The following UST variants were observed in gnomAD, a reference collection of about 807,000 sequenced individuals.
UST encodes the protein uronyl 2-sulfotransferase.
A neutral mutation model predicts 45.6 loss-of-function variants in UST; 21 were observed. That is an observed-to-expected ratio of 0.46 (90% confidence interval 0.33 to 0.66). The LOEUF is 0.66. Among genes scored for constraint, UST ranks in the 30% least tolerant of loss-of-function variants. The probability of loss-of-function intolerance (pLI) is 0.02; values close to 1 mark genes in which losing one functional copy is unlikely to be tolerated. For missense variants in UST, 463 were observed against 512.4 expected (o/e 0.90, Z 0.93); for synonymous variants, 215 against 200.6 (o/e 1.07, Z -0.61).
At chr6:148,980,628 C>G (rs948240163) in intron 5 of UST, among the ~76,000 whole-genome samples, 2 of 152,220 alleles carry the variant, frequency 1.3e-5, no homozygotes, top group African/African-American at 4.8e-5. Context: ...GCTAATCCAA[C>G]CAAGCTTCTG....
chr6:148,827,837 A>G (rs1777603682), intron 1 of UST, among the ~76,000 whole-genome samples: 1 of 152,080 alleles, frequency 6.6e-6, no homozygotes, highest in East Asian at 1.9e-4. Flanking sequence ...TATGCGGTTT[A>G]CTAAAACAGA....
Position 148,886,866 on chromosome 6 carries a change from T to G in UST, c.248-120T>G, listed in dbSNP as rs527610933. On this transcript the variant is annotated intron_variant, in intron 1 of 7. Coordinates refer to ENST00000367463, the MANE Select transcript of UST (RefSeq NM_005715.3). ...CCAGTGATTAATTCCCCATTTTTCT[T>G]TGGTACTGTTGTCTGAGCAGAAATA... 68 of 815,818 alleles carry G rather than the reference T, an allele frequency of 8.3e-5. No individual in the cohort carries two copies. In the South Asian group the frequency reaches 1.0e-3, roughly 12 times the overall value. 50.5% of individuals were successfully genotyped at this position (815,818 alleles called of 1,614,324 possible). A position where few individuals can be genotyped will look rare whatever the true frequency, so the allele number is the denominator to read the frequency against.
At chr6:149,030,356 T>A (rs1467795017) in intron 7 of UST, among the ~76,000 whole-genome samples, 1 of 152,024 alleles carries the variant, frequency 6.6e-6, no homozygotes, top group African/African-American at 2.4e-5. Context: ...AAAAATAAAA[T>A]CTAGGCTGGG....
chr6:148,760,568 A>T (rs1776195443), intron 1 of UST, among the ~76,000 whole-genome samples: 1 of 152,174 alleles, frequency 6.6e-6, no homozygotes, highest in Admixed American at 6.5e-5. Flanking sequence ...TACACACATA[A>T]ATCTTGTCCA....
intron 2 of UST, among the ~76,000 whole-genome samples, chr6:148,900,494 T>C (rs1779229087): frequency 6.6e-6 from 1 of 152,212 alleles, no homozygotes; most frequent in African/African-American, 2.4e-5. Flanking sequence ...CTGCACAAAC[T>C]CTCTTCTCTT....
intron 5 of UST, among the ~76,000 whole-genome samples, chr6:149,003,456 AC>A (rs1322713765): frequency 4.0e-5 from 6 of 151,688 alleles, no homozygotes; most frequent in South Asian, 2.1e-4. Context: ...AAAAAAAAAA[AC>A]ATTAAGGCAC....
chr6:148,869,738 T>A (rs1361291463), intron 1 of UST, among the ~76,000 whole-genome samples: 1 of 152,164 alleles, frequency 6.6e-6, no homozygotes, highest in African/African-American at 2.4e-5. Flanking sequence ...GCAGTTTATT[T>A]GAAACATCCG....
intron 1 of UST, among the ~76,000 whole-genome samples, chr6:148,791,107 A>G (rs1304121060): frequency 3.3e-5 from 5 of 152,182 alleles, no homozygotes; most frequent in African/African-American, 1.2e-4. Flanking sequence ...GTGGTTCTCA[A>G]CAGAGGTGAC....
intron 7 of UST, among the ~76,000 whole-genome samples, chr6:149,031,161 C>T (rs186803837): frequency 6.6e-6 from 1 of 150,872 alleles, no homozygotes; most frequent in Non-Finnish European, 1.5e-5. Context: ...GAGCTGAGAT[C>T]GAGCCATTGC....
At chr6:148,780,229 T>G (rs962588747) in intron 1 of UST, among the ~76,000 whole-genome samples, 2 of 152,170 alleles carry the variant, frequency 1.3e-5, no homozygotes, top group African/African-American at 4.8e-5. Flanking sequence ...AATGGAAGAT[T>G]CGTGGCAAAC....
chr6:148,747,960 C>G (rs1438515517), intron 1 of UST, among the ~76,000 whole-genome samples: 1 of 152,208 alleles, frequency 6.6e-6, no homozygotes, highest in Non-Finnish European at 1.5e-5. Context: ...CCTCCGCCAC[C>G]CGGATCCGGA....
intron 7 of UST, among the ~76,000 whole-genome samples, chr6:149,066,773 A>C (rs181803506): frequency 9.3e-4 from 141 of 152,228 alleles, no homozygotes; most frequent in Non-Finnish European, 1.8e-3. Context: ...AAAAGGAATA[A>C]AATTTATTAA....
intron 2 of UST, among the ~76,000 whole-genome samples, chr6:148,927,208 G>A (rs1314033490): frequency 6.6e-6 from 1 of 151,966 alleles, no homozygotes; most frequent in Non-Finnish European, 1.5e-5. Flanking sequence ...GGAAAGGGGA[G>A]GAGGAGGACC....
At chr6:148,825,713 T>G (rs1777556469) in intron 1 of UST, among the ~76,000 whole-genome samples, 1 of 152,220 alleles carries the variant, frequency 6.6e-6, no homozygotes. Context: ...CTGACTCAGC[T>G]GCCTTTATGC....
In UST at chr6:148,924,618, T is replaced by A. The variant is rs139353709; in HGVS notation, c.292-16661T>A. On this transcript the variant is annotated intron_variant, in intron 2 of 7. Coordinates refer to ENST00000367463, the MANE Select transcript of UST (RefSeq NM_005715.3). Reference sequence around the variant, plus strand: ...AGCAGAGCAATGCCCTTGTCCCAATTGTATCCCCAGATACGTTAGTGTGGG... The same window carrying A: ...AGCAGAGCAATGCCCTTGTCCCAATAGTATCCCCAGATACGTTAGTGTGGG... 2.4e-4 allele frequency among the ~76,000 whole-genome samples: 36 copies of A among 152,342 alleles called. 1 individual carries two copies. In the East Asian group the frequency reaches 6.7e-3, roughly 29 times the overall value.
chr6:149,010,910 A>AC (rs1233987747), intron 5 of UST, among the ~76,000 whole-genome samples: 18 of 149,472 alleles, frequency 1.2e-4, no homozygotes, highest in South Asian at 6.4e-4. Context: ...AAAAAAAAAA[A>AC]AAAAAAAAAC....
At chr6:148,888,804 T>G (rs1375644029) in intron 2 of UST, among the ~76,000 whole-genome samples, 6 of 152,124 alleles carry the variant, frequency 3.9e-5, no homozygotes, top group Admixed American at 2.0e-4. Flanking sequence ...AATACAAATA[T>G]GAAACAAAAC....
At chr6:148,998,553 C>A (rs1006100656) in intron 5 of UST, among the ~76,000 whole-genome samples, 2 of 152,140 alleles carry the variant, frequency 1.3e-5, no homozygotes, top group African/African-American at 4.8e-5. Context: ...AAAATTGTAG[C>A]CCCCATAGGA....
chr6:148,856,607 G>A (rs905704011), intron 1 of UST, among the ~76,000 whole-genome samples: 10 of 152,226 alleles, frequency 6.6e-5, no homozygotes, highest in South Asian at 2.1e-4. Context: ...ATGGGACTAG[G>A]GTTGCGGGGC....
Sources: allele counts gnomAD v4.1 joint callset (sites outside exome capture counted in the v4.1 genomes callset), GRCh38; gene constraint gnomAD v4.1.1; transcripts MANE v1.5; gene names NCBI Gene and HGNC (gene_info 2026-07-23, HGNC 2026-07-21).